PCDH9: variants seen among roughly 807,000 people sequenced by gnomAD.
PCDH9 encodes protocadherin-9.
A neutral mutation model predicts 70.6 loss-of-function variants in PCDH9; 24 were observed. The ratio of observed to expected loss-of-function variants is 0.34; its 90% CI spans 0.25 to 0.48. PCDH9 has a LOEUF of 0.48. PCDH9 is among the 20% of genes least tolerant of loss of function. The pLI is 0.99. For synonymous variants in PCDH9, 562 were observed against 558.5 expected, an observed-to-expected ratio of 1.01 and a Z score of -0.09; for missense variants, 1,281 against 1,503.6, an observed-to-expected ratio of 0.85 and a Z score of 2.45.
At chr13:66,355,440 A>G (rs1324236667) in intron 4 of PCDH9, among the ~76,000 whole-genome samples, 4 of 151,790 alleles carry the variant, frequency 2.6e-5, no homozygotes, top group Non-Finnish European at 5.9e-5. Flanking sequence ...GTTTAGTGTC[A>G]TGTCTTTTGT....
chr13:66,723,132 T>C (rs1462990060), intron 3 of PCDH9, among the ~76,000 whole-genome samples: 1 of 152,198 alleles, frequency 6.6e-6, no homozygotes, highest in Non-Finnish European at 1.5e-5. Context: ...AGCATTGCTT[T>C]CTATTATATG....
chr13:66,949,243 C>T (rs61959218), intron 2 of PCDH9, among the ~76,000 whole-genome samples: 4,120 of 152,208 alleles, frequency 0.027, 97 homozygotes, highest in Middle Eastern at 0.061. Context: ...GATGGCATTT[C>T]CAGACAAGTC....
chr13:66,826,288 C>T (rs917007512), intron 3 of PCDH9, among the ~76,000 whole-genome samples: 1 of 152,136 alleles, frequency 6.6e-6, no homozygotes, highest in East Asian at 1.9e-4. Context: ...AAATATCATT[C>T]TCCAGGATTC....
At chr13:67,071,345 G>A (rs2085758238) in intron 2 of PCDH9, among the ~76,000 whole-genome samples, 1 of 152,098 alleles carries the variant, frequency 6.6e-6, no homozygotes, top group African/African-American at 2.4e-5. Context: ...ATATCACTAT[G>A]TAATATAATT....
intron 4 of PCDH9, among the ~76,000 whole-genome samples, chr13:66,539,432 G>A (rs1213085162): frequency 6.6e-6 from 1 of 152,090 alleles, no homozygotes; most frequent in African/African-American, 2.4e-5. Flanking sequence ...GTTCTCATGA[G>A]ATCTGATGGT....
At chr13:67,032,499 A>G (rs1404891682) in intron 2 of PCDH9, among the ~76,000 whole-genome samples, 2 of 152,136 alleles carry the variant, frequency 1.3e-5, no homozygotes, top group Non-Finnish European at 2.9e-5. Flanking sequence ...TATTAAACAA[A>G]TAATTCCAGC....
At chr13:66,665,798 G>A (rs2078088849) in intron 3 of PCDH9, among the ~76,000 whole-genome samples, 1 of 151,944 alleles carries the variant, frequency 6.6e-6, no homozygotes, top group African/African-American at 2.4e-5. Context: ...CTTCACGGAA[G>A]AGTAAATACA....
intron 4 of PCDH9, among the ~76,000 whole-genome samples, chr13:66,475,095 T>G (rs1310441019): frequency 6.6e-6 from 1 of 152,030 alleles, no homozygotes; most frequent in African/African-American, 2.4e-5. Flanking sequence ...ATATAAAATT[T>G]CTGAGAAAAA....
At chr13:67,127,364 C>G (rs1386382335) in intron 2 of PCDH9, among the ~76,000 whole-genome samples, 1 of 152,114 alleles carries the variant, frequency 6.6e-6, no homozygotes, top group Non-Finnish European at 1.5e-5. Context: ...TCTCTAATTA[C>G]ATTGCAGGGA....
At chr13:66,837,885 A>G (rs2081049432) in intron 3 of PCDH9, among the ~76,000 whole-genome samples, 1 of 152,212 alleles carries the variant, frequency 6.6e-6, no homozygotes. Context: ...GGGAATGAAC[A>G]CAGGGTTTCT....
chr13:66,604,593 T>C (rs982834282), intron 4 of PCDH9, among the ~76,000 whole-genome samples: 1 of 152,080 alleles, frequency 6.6e-6, no homozygotes, highest in Admixed American at 6.6e-5. Flanking sequence ...TAATGACCAC[T>C]TGAGTGATGG....
At chr13:66,872,350 C>T (rs2081708885) in intron 3 of PCDH9, among the ~76,000 whole-genome samples, 2 of 152,076 alleles carry the variant, frequency 1.3e-5, no homozygotes, top group Admixed American at 1.3e-4. Flanking sequence ...CCAGAATTTT[C>T]ACATGCCCTT....
intron 2 of PCDH9, among the ~76,000 whole-genome samples, chr13:66,993,228 A>T (rs571186880): frequency 8.5e-5 from 13 of 152,340 alleles, no homozygotes; most frequent in Admixed American, 7.2e-4. Context: ...ATTTAAAAGA[A>T]TAAATGAACA....
At chr13:67,062,227 G>C (rs566449812) in intron 2 of PCDH9, among the ~76,000 whole-genome samples, 2 of 152,232 alleles carry the variant, frequency 1.3e-5, no homozygotes, top group East Asian at 3.9e-4. Flanking sequence ...AAATTGGAGA[G>C]ATTAGATAGA....
At chr13:66,702,372 T>A (rs1012072851) in intron 3 of PCDH9, among the ~76,000 whole-genome samples, 1 of 151,942 alleles carries the variant, frequency 6.6e-6, no homozygotes, top group Non-Finnish European at 1.5e-5. Flanking sequence ...AGAAAATTAA[T>A]GCACAAAAGC....
chr13:66,886,659 T>G (rs2082009342), intron 3 of PCDH9, among the ~76,000 whole-genome samples: 1 of 152,132 alleles, frequency 6.6e-6, no homozygotes, highest in Non-Finnish European at 1.5e-5. Context: ...AACAATAATA[T>G]TCATCTATGA....
intron 4 of PCDH9, among the ~76,000 whole-genome samples, chr13:66,483,045 G>A (rs1208780905): frequency 2.0e-5 from 3 of 152,142 alleles, no homozygotes; most frequent in Non-Finnish European, 4.4e-5. Flanking sequence ...TTTTGCTACT[G>A]GGAAGAACGT....
intron 4 of PCDH9, among the ~76,000 whole-genome samples, chr13:66,352,863 C>T (rs994149681): frequency 2.6e-5 from 4 of 152,106 alleles, no homozygotes; most frequent in Non-Finnish European, 5.9e-5. Context: ...CTGATTGTCA[C>T]GAACATCTGG....
chr13:66,965,728 T>C (rs1471595937), intron 2 of PCDH9, among the ~76,000 whole-genome samples: 1 of 152,092 alleles, frequency 6.6e-6, no homozygotes, highest in Non-Finnish European at 1.5e-5. Context: ...CAGCAACTCA[T>C]TATGCCTTAA....
Sources: gnomAD v4.1 joint callset for allele counts (sites outside exome capture counted in the v4.1 genomes callset) on GRCh38, gnomAD v4.1.1 for gene constraint, MANE v1.5 for transcripts, NCBI Gene and HGNC (gene_info 2026-07-23, HGNC 2026-07-21) for gene names.